Variants in DNER observed in about 807,000 individuals in gnomAD.
DNER encodes delta and Notch-like epidermal growth factor-related receptor.
A neutral mutation model predicts 78.2 loss-of-function variants in DNER; 33 were observed. The ratio of observed to expected loss-of-function variants is 0.42; its 90% CI spans 0.32 to 0.56. The LOEUF (loss-of-function observed/expected upper bound fraction) is 0.56. Ranked by LOEUF, DNER falls within the 20% of genes least tolerant of loss-of-function variation. The pLI, the probability that DNER is intolerant of heterozygous loss-of-function variation, is 0.11. For missense variants in DNER, 918 were observed against 975.3 expected (o/e 0.94, Z 0.78); for synonymous variants, 417 against 384.8 (o/e 1.08, Z -0.98).
At chr2:229,524,174 A>C (rs952284025) in intron 5 of DNER, among the ~76,000 whole-genome samples, 14 of 152,258 alleles carry the variant, frequency 9.2e-5, no homozygotes, top group African/African-American at 3.4e-4. Flanking sequence ...TCTTTACATT[A>C]GAAGAACATG....
At chr2:229,575,818 T>A (rs1391467357) in intron 4 of DNER, among the ~76,000 whole-genome samples, 1 of 152,220 alleles carries the variant, frequency 6.6e-6, no homozygotes, top group East Asian at 1.9e-4. Context: ...AAATAGGGCA[T>A]GGAGTTCAGG....
chr2:229,512,051 GGT>G (rs1695872644), intron 6 of DNER, among the ~76,000 whole-genome samples: 1 of 152,098 alleles, frequency 6.6e-6, no homozygotes, highest in African/African-American at 2.4e-5. Context: ...AAGAAACTGT[GGT>G]ATATATATAC....
At chr2:229,645,015 A>G (rs28555092) in intron 1 of DNER, among the ~76,000 whole-genome samples, 6,395 of 150,956 alleles carry the variant, frequency 0.042, 181 homozygotes, top group Middle Eastern at 0.068. Flanking sequence ...TGCCTTTAGT[A>G]GAAAAAAAAA....
chr2:229,487,970 A>G (rs1405020404), intron 6 of DNER, among the ~76,000 whole-genome samples: 1 of 152,232 alleles, frequency 6.6e-6, no homozygotes, highest in Non-Finnish European at 1.5e-5. Flanking sequence ...CTGACATGGC[A>G]TCTTCAAAGG....
intron 11 of DNER, among the ~76,000 whole-genome samples, chr2:229,383,101 C>CAATATTCAACATTCTGAAACAAAAG (rs1195166153): frequency 6.6e-6 from 1 of 152,108 alleles, no homozygotes; most frequent in Admixed American, 6.5e-5. Context: ...GAGTGGAGGC[C>CAATATTCAACATTCTGAAACAAAAG]AATATTCAAC....
chr2:229,519,360 C>T (rs774211665), intron 5 of DNER, among the ~76,000 whole-genome samples: 9 of 152,258 alleles, frequency 5.9e-5, no homozygotes, highest in Non-Finnish European at 1.3e-4. Context: ...TTCTATTTTA[C>T]TTTCTCCCTT....
At chr2:229,618,513 C>T (rs765133965) in intron 1 of DNER, among the ~76,000 whole-genome samples, 9 of 152,272 alleles carry the variant, frequency 5.9e-5, no homozygotes, top group Non-Finnish European at 1.2e-4. Flanking sequence ...GGGCCTCTCA[C>T]GCAGCATGTG....
At chr2:229,401,705 T>C (rs1381106419) in intron 10 of DNER, among the ~76,000 whole-genome samples, 1 of 152,102 alleles carries the variant, frequency 6.6e-6, no homozygotes, top group East Asian at 1.9e-4. Flanking sequence ...AGTATCCTGG[T>C]TATGAAATTG....
chr2:229,412,774 G>A (rs571971632), intron 9 of DNER, among the ~76,000 whole-genome samples: 101 of 152,268 alleles, frequency 6.6e-4, no homozygotes, highest in African/African-American at 2.3e-3. Context: ...ACACAGCAAG[G>A]CGACGTGCAA....
intron 11 of DNER, among the ~76,000 whole-genome samples, chr2:229,381,406 C>T (rs1478114744): frequency 6.6e-6 from 1 of 152,048 alleles, no homozygotes; most frequent in Non-Finnish European, 1.5e-5. Context: ...CCCAGTGGCT[C>T]CTGGAACACC....
chr2:229,679,117 A>G (rs1699347240), intron 1 of DNER, among the ~76,000 whole-genome samples: 1 of 152,188 alleles, frequency 6.6e-6, no homozygotes, highest in Non-Finnish European at 1.5e-5. Flanking sequence ...ACCATTGTTC[A>G]CACACCAGGG....
chr2:229,638,027 C>CA (rs962770877), intron 1 of DNER, among the ~76,000 whole-genome samples: 43 of 152,302 alleles, frequency 2.8e-4, no homozygotes, highest in African/African-American at 1.0e-3. Flanking sequence ...GTGTTCTATT[C>CA]AGAGCTAATG....
chr2:229,688,546 C>T (rs1157987379), intron 1 of DNER, among the ~76,000 whole-genome samples: 1 of 152,156 alleles, frequency 6.6e-6, no homozygotes, highest in Non-Finnish European at 1.5e-5. Flanking sequence ...AGATAATGGG[C>T]TTGATTTTTT....
At chr2:229,372,746 T>A (rs1692513710) in intron 11 of DNER, among the ~76,000 whole-genome samples, 1 of 152,142 alleles carries the variant, frequency 6.6e-6, no homozygotes. Flanking sequence ...CAGAGGCTCC[T>A]GTAGGACGGG....
intron 6 of DNER, among the ~76,000 whole-genome samples, chr2:229,494,812 T>A (rs567940420): frequency 3.3e-5 from 5 of 152,210 alleles, no homozygotes; most frequent in Non-Finnish European, 7.3e-5. Flanking sequence ...AGCTCTATAT[T>A]CCACTCCTAT....
At chr2:229,388,417 A>G in intron 10 of DNER, 21 bp from the exon 11 acceptor site, 2 of 1,597,980 alleles carry the variant, frequency 1.3e-6, no homozygotes, top group South Asian at 1.1e-5. Context: ...AAGAAAAAGC[A>G]GTGGTGAAAC....
intron 7 of DNER, among the ~76,000 whole-genome samples, chr2:229,455,010 T>C (rs902344024): frequency 2.6e-5 from 4 of 152,150 alleles, no homozygotes; most frequent in African/African-American, 9.7e-5. Context: ...ATAATTTTCC[T>C]GGCTCACATG....
chr2:229,364,809 T>C (rs1016613454), intron 12 of DNER, among the ~76,000 whole-genome samples: 1 of 151,302 alleles, frequency 6.6e-6, no homozygotes, highest in Non-Finnish European at 1.5e-5. Flanking sequence ...GCCATTCAGA[T>C]AGAATAATTT....
intron 7 of DNER, among the ~76,000 whole-genome samples, chr2:229,463,539 C>A (rs1694745283): frequency 6.6e-6 from 1 of 152,126 alleles, no homozygotes; most frequent in Non-Finnish European, 1.5e-5. Flanking sequence ...CTCCTGGGTT[C>A]AAGTGATCTT....
Sources: allele counts gnomAD v4.1 joint callset (sites outside exome capture counted in the v4.1 genomes callset), GRCh38; gene constraint gnomAD v4.1.1; transcripts MANE v1.5; gene names NCBI Gene and HGNC (gene_info 2026-07-23, HGNC 2026-07-21).